GRIK4: variants seen among roughly 807,000 people sequenced by gnomAD.
The protein encoded by GRIK4 is glutamate ionotropic receptor kainate type subunit 4, also known as glutamate receptor ionotropic, kainate 4.
GRIK4 carries 40 observed loss-of-function variants against 104.9 expected under a neutral mutation model. That is an observed-to-expected ratio of 0.38 (90% confidence interval 0.30 to 0.50). The LOEUF (loss-of-function observed/expected upper bound fraction) is 0.50. Ranked by LOEUF, GRIK4 falls within the 20% of genes least tolerant of loss-of-function variation. The probability of loss-of-function intolerance (pLI) is 0.93; values close to 1 mark genes in which losing one functional copy is unlikely to be tolerated. For synonymous variants in GRIK4, 485 were observed against 524.9 expected, an observed-to-expected ratio of 0.92 and a Z score of 1.04; for missense variants, 1,047 against 1,308.1, an observed-to-expected ratio of 0.80 and a Z score of 3.08.
intron 8 of GRIK4, among the ~76,000 whole-genome samples, chr11:120,860,564 C>G (rs1954235117): frequency 6.6e-6 from 1 of 152,198 alleles, no homozygotes; most frequent in African/African-American, 2.4e-5. Context: ...TCCCTCACCC[C>G]AAGTCCCATC....
intron 13 of GRIK4, among the ~76,000 whole-genome samples, chr11:120,929,039 G>A (rs1943424208): frequency 1.3e-5 from 2 of 151,324 alleles, no homozygotes; most frequent in South Asian, 4.1e-4. Context: ...GTGTGTGTGT[G>A]TGTCTGTGTG....
At position 120,573,453 on chromosome 11, in the gene GRIK4, C is replaced by T. The variant is rs116071643; in HGVS notation, c.-159+61566C>T. The stretch of plus-strand genomic sequence containing the variant: ...TTAGTCCTGGCCCCATACCCACTCC[C>T]CACCTGTGATCACCCCCGCCACTGC... On this transcript the variant is annotated intron_variant, in intron 1 of 20. Coordinates refer to ENST00000527524, the MANE Select transcript of GRIK4 (RefSeq NM_014619.5). 8.2e-3 allele frequency among the ~76,000 whole-genome samples: 1,241 copies of T among 152,206 alleles called. 19 individuals carry two copies. The highest frequency in any genetic ancestry group is 0.027 in the African/African-American group (1,140 of 41,502).
intron 19 of GRIK4, among the ~76,000 whole-genome samples, chr11:120,979,839 G>A (rs1944621483): frequency 6.6e-6 from 1 of 152,092 alleles, no homozygotes; most frequent in Non-Finnish European, 1.5e-5. Flanking sequence ...GTTTTCTTTT[G>A]TTTTTGTTTT....
At chr11:120,950,126 G>C (rs1432977497) in intron 14 of GRIK4, among the ~76,000 whole-genome samples, 1 of 152,168 alleles carries the variant, frequency 6.6e-6, no homozygotes, top group Admixed American at 6.5e-5. Context: ...TGGCATCATA[G>C]AGACAGCATG....
intron 1 of GRIK4, among the ~76,000 whole-genome samples, chr11:120,624,875 G>C (rs917345918): frequency 2.0e-5 from 3 of 152,188 alleles, no homozygotes; most frequent in African/African-American, 7.2e-5. Context: ...GATTATCTTG[G>C]GGGGATGGGG....
At chr11:120,938,334 T>A (rs757059652) in intron 13 of GRIK4, among the ~76,000 whole-genome samples, 2 of 152,230 alleles carry the variant, frequency 1.3e-5, no homozygotes, top group Non-Finnish European at 2.9e-5. Flanking sequence ...AGCACTGTCT[T>A]GGAGAAATAC....
chr11:120,713,900 G>A (rs1017221018), intron 3 of GRIK4, among the ~76,000 whole-genome samples: 1 of 152,110 alleles, frequency 6.6e-6, no homozygotes, highest in African/African-American at 2.4e-5. Context: ...GATTTGCTGC[G>A]GACTCAAAGT....
Position 120,967,716 on chromosome 11 carries a change from AT to A in GRIK4, c.2395+394del, listed in dbSNP as rs764256841. On this transcript the variant is annotated intron_variant, in intron 19 of 20. Transcript: ENST00000527524. This position sits in a 1 kb window ranked among gnomAD's most constrained non-coding sequence, Gnocchi z 4.2. ...CTAGCCAGAGTGATCCTTTTTAAAA[AT>A]GCAAACTCGATGGCAGCATTCCCCC... 2.6e-5 allele frequency among the ~76,000 whole-genome samples: 4 copies of A among 152,178 alleles called. No homozygotes were observed. Among genetic ancestry groups the A allele is most frequent in the Non-Finnish European group, 5.9e-5 (4 of 68,046 alleles).
At chr11:120,693,109 T>G (rs946848769) in intron 3 of GRIK4, among the ~76,000 whole-genome samples, 3 of 151,882 alleles carry the variant, frequency 2.0e-5, no homozygotes, top group Non-Finnish European at 4.4e-5. Flanking sequence ...ATTTTATTAT[T>G]ATTATTATTT....
At chr11:120,554,105 A>G (rs1224130867) in intron 1 of GRIK4, among the ~76,000 whole-genome samples, 1 of 151,874 alleles carries the variant, frequency 6.6e-6, no homozygotes, top group Non-Finnish European at 1.5e-5. Context: ...CACAGCATCT[A>G]TAGTAGCCCT....
rs1944305553 is a variant in GRIK4, at chr11:120,962,480, C to T, written c.2065C>T (p.Arg689Cys). Residue 689 changes from arginine (R) to cysteine (C), a missense_variant, in exon 18 of 21, where the codon CGC (arginine) becomes TGC (cysteine). Arg to Cys is a radical substitution (Grantham distance 180). Coordinates refer to ENST00000527524, the MANE Select transcript of GRIK4 (RefSeq NM_014619.5). ...GAATTCCCGCTACCAGACCTACCAA[C>T]GCATGTGGAATTACATGTATTCCAA... is the stretch of plus-strand genomic sequence containing the variant. ...FQNSRYQTYQ[R>C]MWNYMYSKQP... 5.6e-6 allele frequency: 9 copies of T among 1,613,230 alleles called. No individual in the cohort carries two copies. Among genetic ancestry groups the T allele is most frequent in the Non-Finnish European group, 7.6e-6 (9 of 1,179,378 alleles).
At position 120,740,104 on chromosome 11, in the gene GRIK4, G is replaced by C. The variant is rs776254125; in HGVS notation, c.83-62589G>C. 4.6e-5 allele frequency among the ~76,000 whole-genome samples: 7 copies of C among 152,350 alleles called. No individual in the cohort carries two copies. In the Middle Eastern group the frequency reaches 0.01, roughly 222 times the overall value. ...ATGGACAATTGGCTGAACTTTTGCA[G>C]ATTTAATCAGATGTTTGGCATCACA... On this transcript the variant is annotated intron_variant, in intron 3 of 20. Coordinates refer to ENST00000527524, the MANE Select transcript of GRIK4 (RefSeq NM_014619.5).
At chr11:120,908,296 G>A (rs1592067520) in intron 13 of GRIK4, among the ~76,000 whole-genome samples, 1 of 152,152 alleles carries the variant, frequency 6.6e-6, no homozygotes, top group East Asian at 1.9e-4. Context: ...ACAGACCTAA[G>A]CTAAAATTTC....
chr11:120,668,277 AAG>A (rs768898604), intron 3 of GRIK4, among the ~76,000 whole-genome samples: 35 of 151,826 alleles, frequency 2.3e-4, no homozygotes, highest in Non-Finnish European at 2.6e-4. Context: ...AGAAAGAAAA[AAG>A]AGAGAAAGAG....
At chr11:120,617,945 A>G (rs1949137276) in intron 1 of GRIK4, among the ~76,000 whole-genome samples, 1 of 152,228 alleles carries the variant, frequency 6.6e-6, no homozygotes, top group African/African-American at 2.4e-5. Context: ...GGGTATTGCT[A>G]TAAAGATACC....
chr11:120,949,149 T>G (rs1943938569), intron 14 of GRIK4, among the ~76,000 whole-genome samples: 1 of 152,192 alleles, frequency 6.6e-6, no homozygotes, highest in Non-Finnish European at 1.5e-5. Flanking sequence ...GTCAACAGAT[T>G]GTTTTTAAGG....
chr11:120,700,889 G>A (rs1950541925), intron 3 of GRIK4, among the ~76,000 whole-genome samples: 1 of 152,142 alleles, frequency 6.6e-6, no homozygotes, highest in South Asian at 2.1e-4. Context: ...CATCGCAGCC[G>A]GCCATATTAC....
intron 3 of GRIK4, among the ~76,000 whole-genome samples, chr11:120,764,426 G>T (rs1259299979): frequency 6.6e-6 from 1 of 152,084 alleles, no homozygotes; most frequent in African/African-American, 2.4e-5. Context: ...TTTAATTGGG[G>T]CATTTAGCCC....
At chr11:120,845,723 C>T (rs1372940112) in intron 8 of GRIK4, among the ~76,000 whole-genome samples, 1 of 152,114 alleles carries the variant, frequency 6.6e-6, no homozygotes, top group East Asian at 1.9e-4. Context: ...TTTCTAGTGC[C>T]AGAGCAATTG....
Sources: gnomAD v4.1 joint callset for allele counts (sites outside exome capture counted in the v4.1 genomes callset) on GRCh38, gnomAD v4.1.1 for gene constraint, Gnocchi (gnomAD v3.1) non-coding constraint, MANE v1.5 for transcripts, NCBI Gene and HGNC (gene_info 2026-07-23, HGNC 2026-07-21) for gene names.